The following ZFAT variants were observed in gnomAD, a reference collection of about 807,000 sequenced individuals.
The protein encoded by ZFAT is zinc finger and AT-hook domain containing.
A neutral mutation model predicts 117.7 loss-of-function variants in ZFAT; 64 were observed. That is an observed-to-expected ratio of 0.54 (90% CI 0.44 to 0.67). ZFAT has a LOEUF of 0.67. Among genes scored for constraint, ZFAT ranks in the 30% least tolerant of loss-of-function variants. The probability of loss-of-function intolerance (pLI) is 0.00; values close to 1 mark genes in which losing one functional copy is unlikely to be tolerated. For missense variants in ZFAT, 1,433 were observed against 1,584.5 expected (o/e 0.90, Z 1.62); for synonymous variants, 679 against 615.0 (o/e 1.10, Z -1.54).
At chr8:134,622,832 C>G (rs1039025406) in intron 3 of ZFAT, among the ~76,000 whole-genome samples, 1 of 152,100 alleles carries the variant, frequency 6.6e-6, no homozygotes, top group Non-Finnish European at 1.5e-5. Context: ...CTGACCTCAT[C>G]CTCTACCAAA....
chr8:134,526,018 C>T (rs1233443453), intron 12 of ZFAT, among the ~76,000 whole-genome samples: 1 of 152,066 alleles, frequency 6.6e-6, no homozygotes, highest in Non-Finnish European at 1.5e-5. Context: ...TTTTAAAAAC[C>T]TCCAAGTTAT....
chr8:134,594,338 T>C (rs1050467477), intron 7 of ZFAT, among the ~76,000 whole-genome samples: 5 of 152,226 alleles, frequency 3.3e-5, no homozygotes, highest in African/African-American at 1.2e-4. Context: ...AAAGTACACA[T>C]ACTGACCGGG....
At chr8:134,549,217 G>A (rs1027130733) in intron 11 of ZFAT, among the ~76,000 whole-genome samples, 8 of 152,078 alleles carry the variant, frequency 5.3e-5, no homozygotes, top group Non-Finnish European at 8.8e-5. Context: ...CGAGGCAGGC[G>A]GATCACGAGG....
intron 3 of ZFAT, among the ~76,000 whole-genome samples, chr8:134,622,061 A>T (rs1465565537): frequency 6.6e-6 from 1 of 152,256 alleles, no homozygotes; most frequent in African/African-American, 2.4e-5. Context: ...GAGCACACAC[A>T]GTAGGCTTTC....
At chr8:134,555,356 C>T (rs562190046) in intron 11 of ZFAT, among the ~76,000 whole-genome samples, 39 of 152,312 alleles carry the variant, frequency 2.6e-4, no homozygotes, top group Admixed American at 1.0e-3. Context: ...CAGCATAAAT[C>T]GCATTGTTTG....
At position 134,669,586 on chromosome 8, in the gene ZFAT, A is replaced by C. The variant is rs1000147042; in HGVS notation, c.20-11849T>G. 2.2e-4 allele frequency among the ~76,000 whole-genome samples: 33 copies of C among 152,366 alleles called. 1 individual carries two copies. The highest frequency in any genetic ancestry group is 7.8e-4 in the Admixed American group (12 of 15,302). On this transcript the variant is annotated intron_variant, in intron 1 of 15. Coordinates refer to ENST00000377838, the MANE Select transcript of ZFAT (RefSeq NM_020863.4). ...TTGTCACCACTAGGCCTGCCCTACA[A>C]GACCTCCTGAAGGAAGCACTAAACA...
At chr8:134,677,315 C>T (rs1174016602) in intron 1 of ZFAT, among the ~76,000 whole-genome samples, 1 of 152,148 alleles carries the variant, frequency 6.6e-6, no homozygotes, top group African/African-American at 2.4e-5. Flanking sequence ...ACTATAAACA[C>T]CTCTATGCAA....
chr8:134,493,036 T>C (rs1172176080), intron 15 of ZFAT, among the ~76,000 whole-genome samples: 1 of 152,246 alleles, frequency 6.6e-6, no homozygotes, highest in Non-Finnish European at 1.5e-5. Flanking sequence ...GACAGTATAA[T>C]GCTGCCTCTC....
chr8:134,830,828 C>T, the ZFAT span, among the ~76,000 whole-genome samples: 1 of 152,170 alleles, frequency 6.6e-6, no homozygotes, highest in African/African-American at 2.4e-5. Context: ...TAAAGACATG[C>T]CACAGCTAGT....
the ZFAT span, chr8:134,797,256 G>A: frequency 6.6e-6 from 1 of 152,074 alleles, no homozygotes; most frequent in Non-Finnish European, 1.5e-5. Flanking sequence ...CAAATTTTCA[G>A]ATAACCTATA....
chr8:134,591,072 C>T (rs950896464), intron 7 of ZFAT, among the ~76,000 whole-genome samples: 4 of 152,096 alleles, frequency 2.6e-5, no homozygotes, highest in Non-Finnish European at 4.4e-5. Context: ...CTCAAGGCTG[C>T]GGGTCTACCA....
Position 134,544,399 on chromosome 8 carries a change from C to A in ZFAT, c.2977-11427G>T, listed in dbSNP as rs111429456. Among the ~76,000 whole-genome samples the A allele has an allele frequency of 5.9e-5, 9 of 152,038 alleles. 1 individual carries two copies. Among genetic ancestry groups the A allele is most frequent in the African/African-American group, 2.2e-4 (9 of 41,454 alleles). On this transcript the variant is annotated intron_variant, in intron 11 of 15. Transcript: ENST00000377838. ...TTCACGTGTAGTTAGTCCAGCAAACCCTCCTAACAACAACAACAAAAGAAA... is the reference window on the plus strand; with the variant it reads ...TTCACGTGTAGTTAGTCCAGCAAACACTCCTAACAACAACAACAAAAGAAA...
intron 11 of ZFAT, among the ~76,000 whole-genome samples, chr8:134,537,936 C>T (rs16905168): frequency 0.37 from 56,415 of 151,854 alleles, 11,136 homozygotes; most frequent in Admixed American, 0.5. Context: ...GCAAGGAAGG[C>T]CACCAGCAAG....
At chr8:134,792,645 G>A in the ZFAT span, 3 of 152,236 alleles carry the variant, frequency 2.0e-5, no homozygotes, top group East Asian at 5.8e-4. Context: ...CTACTTACCA[G>A]GCACAGTGGT....
chr8:134,791,836 A>G, the ZFAT span, among the ~76,000 whole-genome samples: 1 of 152,240 alleles, frequency 6.6e-6, no homozygotes, highest in East Asian at 1.9e-4. Flanking sequence ...CAAATGAGAC[A>G]TAAGCTGGGA....
the ZFAT span, among the ~76,000 whole-genome samples, chr8:134,780,234 C>G: frequency 6.6e-6 from 1 of 152,198 alleles, no homozygotes; most frequent in East Asian, 1.9e-4. Flanking sequence ...ATTCACCCGC[C>G]CCTATTTCTT....
chr8:134,733,173 A>T, the ZFAT span, among the ~76,000 whole-genome samples: 1 of 152,330 alleles, frequency 6.6e-6, no homozygotes, highest in East Asian at 1.9e-4. Flanking sequence ...ATTCAATGAA[A>T]AAATCTGGAT....
At chr8:134,607,892 A>T (rs11779307) in intron 5 of ZFAT, among the ~76,000 whole-genome samples, 54,480 of 152,122 alleles carry the variant, frequency 0.36, 11,154 homozygotes, top group East Asian at 0.54. Flanking sequence ...GATCCAGTGT[A>T]TCTGGAGGAC....
chr8:134,829,292 T>G, the ZFAT span, among the ~76,000 whole-genome samples: 3 of 152,238 alleles, frequency 2.0e-5, no homozygotes, highest in African/African-American at 7.2e-5. Flanking sequence ...TTATTGTTAA[T>G]GCATTTGATG....
Sources: gnomAD v4.1 joint callset for allele counts (sites outside exome capture counted in the v4.1 genomes callset) on GRCh38, gnomAD v4.1.1 for gene constraint, MANE v1.5 for transcripts, NCBI Gene and HGNC (gene_info 2026-07-23, HGNC 2026-07-21) for gene names.